The following CNTN5 variants were observed in gnomAD, a reference collection of about 807,000 sequenced individuals.
The protein encoded by CNTN5 is contactin 5.
A neutral mutation model predicts 129.1 loss-of-function variants in CNTN5; 77 were observed. The observed-to-expected ratio is 0.60, with a 90% confidence interval of 0.50 to 0.72. The LOEUF is 0.72. CNTN5 is among the 30% of genes least tolerant of loss of function. The pLI, the probability that CNTN5 is intolerant of heterozygous loss-of-function variation, is 0.00. For synonymous variants in CNTN5, 509 were observed against 465.6 expected (o/e 1.09, Z -1.20); for missense variants, 1,478 against 1,328.8 (o/e 1.11, Z -1.75).
intron 12 of CNTN5, 39 bp from the exon 13 acceptor site, chr11:100,074,105 A>G (rs1184182444): frequency 6.3e-7 from 1 of 1,580,792 alleles, no homozygotes; most frequent in Non-Finnish European, 8.6e-7. Flanking sequence ...GATTATTGTC[A>G]TTGCTTCTGG....
At chr11:100,214,196 T>A (rs371454980) in intron 15 of CNTN5, among the ~76,000 whole-genome samples, 29 of 138,458 alleles carry the variant, frequency 2.1e-4, no homozygotes, top group African/African-American at 9.1e-4. Flanking sequence ...TAAAAAAAAA[T>A]GTATGAAAGT....
At chr11:99,099,308 A>G (rs1462283110) in intron 1 of CNTN5, among the ~76,000 whole-genome samples, 1 of 152,154 alleles carries the variant, frequency 6.6e-6, no homozygotes, top group African/African-American at 2.4e-5. Flanking sequence ...ACTTCAAGGC[A>G]TATAAATGTA....
chr11:99,096,738 T>A (rs954199359), intron 1 of CNTN5, among the ~76,000 whole-genome samples: 1 of 151,872 alleles, frequency 6.6e-6, no homozygotes, highest in African/African-American at 2.4e-5. Context: ...CAATTTTTTT[T>A]CAGTCAAGGC....
intron 2 of CNTN5, among the ~76,000 whole-genome samples, chr11:99,417,814 T>C (rs1452803429): frequency 6.6e-6 from 1 of 152,160 alleles, no homozygotes. Flanking sequence ...AAACCATTAC[T>C]AGCTATTGTT....
At chr11:99,708,483 A>C (rs1198669911) in intron 3 of CNTN5, among the ~76,000 whole-genome samples, 1 of 151,744 alleles carries the variant, frequency 6.6e-6, no homozygotes, top group Non-Finnish European at 1.5e-5. Context: ...AAAAATATAA[A>C]AGTCGACAGA....
chr11:99,817,724 A>G (rs543113091), intron 3 of CNTN5, among the ~76,000 whole-genome samples: 46 of 151,052 alleles, frequency 3.0e-4, no homozygotes, highest in Non-Finnish European at 5.8e-4. Flanking sequence ...TTAAAGGAAA[A>G]CTCATTCACT....
chr11:99,460,031 G>T (rs1332237376), intron 2 of CNTN5, among the ~76,000 whole-genome samples: 2 of 151,906 alleles, frequency 1.3e-5, no homozygotes, highest in Non-Finnish European at 2.9e-5. Flanking sequence ...TGTATGAAGT[G>T]ATATTAGTGG....
intron 3 of CNTN5, among the ~76,000 whole-genome samples, chr11:99,660,880 A>G (rs906533395): frequency 6.6e-6 from 1 of 151,928 alleles, no homozygotes; most frequent in East Asian, 1.9e-4. Context: ...AGTTTTCTAT[A>G]TTAATATACT....
At position 100,358,174 on chromosome 11, in the gene CNTN5, A is replaced by G. The variant is rs1330753267; in HGVS notation, c.*1954A>G. 6.6e-6 allele frequency: 1 copy of G among 151,930 alleles called. No homozygotes were observed. Among genetic ancestry groups the G allele is most frequent in the Non-Finnish European group, 1.5e-5 (1 of 67,850 alleles). The allele number at this position is 151,930 out of a possible 1,614,324, so 9.4% of individuals were successfully genotyped here. On this transcript the variant is annotated 3_prime_UTR_variant, in exon 25 of 25. Coordinates refer to ENST00000524871, the MANE Select transcript of CNTN5 (RefSeq NM_014361.4). ...GCAAAATAATTTTACGTATTTCATG[A>G]ATCAAGCCATTTTCTTCATTTTCCA...
At chr11:99,645,477 C>T (rs1253191285) in intron 3 of CNTN5, among the ~76,000 whole-genome samples, 1 of 151,886 alleles carries the variant, frequency 6.6e-6, no homozygotes. Flanking sequence ...ACTAATCATT[C>T]TACTATAAAG....
intron 2 of CNTN5, among the ~76,000 whole-genome samples, chr11:99,395,814 G>T (rs1285682749): frequency 1.3e-5 from 2 of 151,842 alleles, no homozygotes; most frequent in Non-Finnish European, 2.9e-5. Flanking sequence ...TTTCCCCATT[G>T]CTTGTTTTTG....
At chr11:99,303,490 A>C (rs766179886) in intron 1 of CNTN5, among the ~76,000 whole-genome samples, 2 of 151,016 alleles carry the variant, frequency 1.3e-5, no homozygotes, top group African/African-American at 2.4e-5. Flanking sequence ...GCATAATTAT[A>C]TCTAGCTTGT....
rs1483280630 is a variant in CNTN5 at position 99,073,373 on chromosome 11, GGTT to G, written c.-210+52104_-210+52106del. 5.2e-3 allele frequency among the ~76,000 whole-genome samples: 453 copies of G among 87,292 alleles called. 3 individuals carry two copies. The highest frequency in any genetic ancestry group is 0.023 in the East Asian group (75 of 3,276). The allele number at this position is 87,292 out of a possible 152,430, so 57.3% of individuals were successfully genotyped here. A position where few individuals can be genotyped will look rare whatever the true frequency, so the allele number is the denominator to read the frequency against. ...TGACTGGTATGTCTCTTTATGGTTTGGTTTTTTTTTTTTTTTTTTTTTTTTACT... is the reference window on the plus strand; with the variant it reads ...TGACTGGTATGTCTCTTTATGGTTTGTTTTTTTTTTTTTTTTTTTTTTACT... On this transcript the variant is annotated intron_variant, in intron 1 of 24. Transcript: ENST00000524871.
intron 13 of CNTN5, among the ~76,000 whole-genome samples, chr11:100,080,789 T>C (rs1944334690): frequency 6.6e-6 from 1 of 152,124 alleles, no homozygotes; most frequent in South Asian, 2.1e-4. Flanking sequence ...AATTGTATAA[T>C]GAAAGAAAAT....
intron 2 of CNTN5, among the ~76,000 whole-genome samples, chr11:99,384,855 C>G (rs1940825863): frequency 6.6e-6 from 1 of 152,144 alleles, no homozygotes; most frequent in African/African-American, 2.4e-5. Flanking sequence ...ATTACCATAT[C>G]TATCACCTCC....
At chr11:100,319,539 C>G (rs1427302315) in intron 21 of CNTN5, among the ~76,000 whole-genome samples, 1 of 152,176 alleles carries the variant, frequency 6.6e-6, no homozygotes, top group African/African-American at 2.4e-5. Flanking sequence ...ATGACTAAAT[C>G]TAGCTAATTA....
At chr11:99,752,332 T>C (rs1944262527) in intron 3 of CNTN5, among the ~76,000 whole-genome samples, 1 of 152,198 alleles carries the variant, frequency 6.6e-6, no homozygotes, top group South Asian at 2.1e-4. Context: ...TCTCTTGCTA[T>C]CCTCTAGAGG....
At chr11:99,282,932 G>A (rs565847705) in intron 1 of CNTN5, among the ~76,000 whole-genome samples, 1 of 152,118 alleles carries the variant, frequency 6.6e-6, no homozygotes, top group East Asian at 1.9e-4. Flanking sequence ...CAATCAAATG[G>A]AAGAAAGGCT....
At chr11:99,510,832 A>G (rs1221492875) in intron 2 of CNTN5, among the ~76,000 whole-genome samples, 1 of 152,186 alleles carries the variant, frequency 6.6e-6, no homozygotes, top group African/African-American at 2.4e-5. Flanking sequence ...TTCTCCTTTC[A>G]GATATTTTTT....
Sources: allele counts gnomAD v4.1 joint callset (sites outside exome capture counted in the v4.1 genomes callset), GRCh38; gene constraint gnomAD v4.1.1; transcripts MANE v1.5; gene names NCBI Gene and HGNC (gene_info 2026-07-23, HGNC 2026-07-21).